Variants in EPHA5 observed in about 807,000 individuals in gnomAD.
EPHA5 encodes EPH receptor A5.
In EPHA5, 60 loss-of-function variants were observed where a neutral mutation model predicts 105.0. The ratio of observed to expected loss-of-function variants is 0.57; its 90% CI spans 0.46 to 0.71. The LOEUF is 0.71. Among genes scored for constraint, EPHA5 ranks in the 30% least tolerant of loss-of-function variants. The probability of loss-of-function intolerance (pLI) is 0.00; values close to 1 mark genes in which losing one functional copy is unlikely to be tolerated. For missense variants in EPHA5, 1,218 were observed against 1,274.7 expected (o/e 0.96, Z 0.68); for synonymous variants, 513 against 449.1 (o/e 1.14, Z -1.80).
At chr4:65,465,572 GGAAAGGAAGGAAAGGAAA>G (rs1728634885) in intron 5 of EPHA5, among the ~76,000 whole-genome samples, 1 of 58,566 alleles carries the variant, frequency 1.7e-5, no homozygotes, top group Admixed American at 1.8e-4. Context: ...AGGAAAGGAA[GGAAAGGAAGGAAAGGAAA>G]GAAAGGAAGG....
At chr4:65,628,182 T>C (rs1026836784) in intron 2 of EPHA5, among the ~76,000 whole-genome samples, 3 of 152,114 alleles carry the variant, frequency 2.0e-5, no homozygotes, top group Non-Finnish European at 2.9e-5. Context: ...TATAAAATCC[T>C]GTAGTTTATT....
chr4:65,602,386 A>G, intron 2 of EPHA5, 82 bp from the exon 3 acceptor site: 1 of 1,103,296 alleles, frequency 9.1e-7, no homozygotes, highest in Non-Finnish European at 1.3e-6. Context: ...TATAAAAGAA[A>G]ACTAACTGAG....
At chr4:65,660,004 C>T (rs1749421103) in intron 1 of EPHA5, among the ~76,000 whole-genome samples, 1 of 152,108 alleles carries the variant, frequency 6.6e-6, no homozygotes, top group African/African-American at 2.4e-5. Flanking sequence ...CTTTCAGCAG[C>T]ATTTCTCATG....
At chr4:65,579,319 G>A (rs1741370226) in intron 3 of EPHA5, among the ~76,000 whole-genome samples, 1 of 146,386 alleles carries the variant, frequency 6.8e-6, no homozygotes, top group Non-Finnish European at 1.5e-5. Flanking sequence ...TAATTGAGAG[G>A]GGAATAACCT....
At chr4:65,547,386 C>T (rs1737481242) in intron 3 of EPHA5, among the ~76,000 whole-genome samples, 1 of 151,084 alleles carries the variant, frequency 6.6e-6, no homozygotes, top group South Asian at 2.1e-4. Flanking sequence ...TAAAAATGAG[C>T]AAATGAGATA....
intron 11 of EPHA5, among the ~76,000 whole-genome samples, chr4:65,362,224 G>T (rs1306750314): frequency 7.6e-6 from 1 of 132,426 alleles, no homozygotes. Flanking sequence ...ACCACCCATA[G>T]GAGGGCTACT....
chr4:65,632,931 A>G (rs1382331276), intron 2 of EPHA5, among the ~76,000 whole-genome samples: 1 of 152,084 alleles, frequency 6.6e-6, no homozygotes, highest in Non-Finnish European at 1.5e-5. Context: ...GGAAAACACC[A>G]GAAGTAGAAA....
intron 1 of EPHA5, among the ~76,000 whole-genome samples, chr4:65,668,418 C>G (rs1333470724): frequency 1.3e-5 from 2 of 152,176 alleles, no homozygotes; most frequent in Non-Finnish European, 2.9e-5. Flanking sequence ...CCTCACCATT[C>G]TAGCCAAAGT....
chr4:65,651,135 A>G (rs1376896927), intron 1 of EPHA5, among the ~76,000 whole-genome samples: 1 of 152,214 alleles, frequency 6.6e-6, no homozygotes, highest in Non-Finnish European at 1.5e-5. Flanking sequence ...CTGGGAATGG[A>G]TGTATTTCCT....
chr4:65,332,764 CTT>C (rs1488428970), intron 15 of EPHA5, among the ~76,000 whole-genome samples: 2 of 151,764 alleles, frequency 1.3e-5, no homozygotes, highest in Admixed American at 1.3e-4. Context: ...ATATACTACT[CTT>C]TGTTTATGAA....
chr4:65,601,783 G>A lies in EPHA5; in HGVS notation c.768C>T (p.Leu256=), dbSNP rs1461669360. The change falls in exon 3 of 17, where the codon CTC becomes CTT. Residue 256 remains leucine, a synonymous_variant. Coordinates refer to ENST00000613740, the MANE Select transcript of EPHA5 (RefSeq NM_001281766.3). ...TITGADSSQL[L]EVSGSCVNHS... ...GGTTGACACAGGAGCCTGACACTTC[G>A]AGCAATTGGGAAGAATCAGCTCCAG... The A allele has an allele frequency of 1.2e-6, 2 of 1,614,112 alleles. No homozygotes were observed. The highest frequency in any genetic ancestry group is 1.7e-6 in the Non-Finnish European group (2 of 1,180,008).
rs150344784 is a variant in EPHA5 at position 65,468,427 on chromosome 4, A to G, written c.1402+21950T>C. 3.3e-4 allele frequency among the ~76,000 whole-genome samples: 49 copies of G among 149,566 alleles called. 1 individual carries two copies. The East Asian group carries it at 9.0e-3, about 27-fold the overall frequency. ...TATAAATTGATGAGAAATATAAAAT[A>G]ATTTATAAAATAAACTGGAAAAATA... On this transcript the variant is annotated intron_variant, in intron 5 of 16. Transcript: ENST00000613740.
At chr4:65,603,794 C>A (rs952884398) in intron 2 of EPHA5, among the ~76,000 whole-genome samples, 1 of 152,088 alleles carries the variant, frequency 6.6e-6, no homozygotes, top group South Asian at 2.1e-4. Flanking sequence ...TTTGTCCTCT[C>A]TCAAAATGTA....
At chr4:65,334,075 G>A (rs1720945088) in intron 15 of EPHA5, among the ~76,000 whole-genome samples, 1 of 151,708 alleles carries the variant, frequency 6.6e-6, no homozygotes, top group African/African-American at 2.4e-5. Flanking sequence ...TAACCTTCTA[G>A]TATTCATCTT....
chr4:65,518,565 A>G (rs553340581), intron 3 of EPHA5, among the ~76,000 whole-genome samples: 1 of 152,164 alleles, frequency 6.6e-6, no homozygotes, highest in African/African-American at 2.4e-5. Context: ...TCTGGATATA[A>G]CAGAAACAAA....
intron 3 of EPHA5, among the ~76,000 whole-genome samples, chr4:65,521,580 T>A (rs1353630405): frequency 6.6e-6 from 1 of 151,990 alleles, no homozygotes; most frequent in Non-Finnish European, 1.5e-5. Flanking sequence ...ATAATTTAGA[T>A]CCTACTATGC....
chr4:65,438,741 A>G (rs1725730250), intron 5 of EPHA5, among the ~76,000 whole-genome samples: 1 of 151,720 alleles, frequency 6.6e-6, no homozygotes. Flanking sequence ...AGAGTTAGCT[A>G]CAAGATGGTT....
intron 5 of EPHA5, among the ~76,000 whole-genome samples, chr4:65,455,734 G>T (rs1261334602): frequency 2.0e-5 from 3 of 152,088 alleles, no homozygotes; most frequent in Admixed American, 1.3e-4. Context: ...GTACAATTTA[G>T]TGCACTGTCA....
At chr4:65,657,145 A>C (rs1188870418) in intron 1 of EPHA5, among the ~76,000 whole-genome samples, 2 of 152,152 alleles carry the variant, frequency 1.3e-5, no homozygotes, top group Non-Finnish European at 2.9e-5. Flanking sequence ...AATTCTTGCC[A>C]GCTTGTAAAT....
Sources: gnomAD v4.1 joint callset for allele counts (sites outside exome capture counted in the v4.1 genomes callset) on GRCh38, gnomAD v4.1.1 for gene constraint, MANE v1.5 for transcripts, NCBI Gene and HGNC (gene_info 2026-07-23, HGNC 2026-07-21) for gene names.